SEMA3E: variants seen among roughly 807,000 people sequenced by gnomAD.
SEMA3E encodes semaphorin-3E.
Under a neutral mutation model 93.6 loss-of-function variants are expected in SEMA3E, and 49 were observed. That is an observed-to-expected ratio of 0.52 (90% CI 0.42 to 0.66). The LOEUF (loss-of-function observed/expected upper bound fraction) is 0.66. Among genes scored for constraint, SEMA3E ranks in the 30% least tolerant of loss-of-function variants. The pLI is 0.00. For synonymous variants in SEMA3E, 363 were observed against 330.7 expected, an observed-to-expected ratio of 1.10 and a Z score of -1.06; for missense variants, 906 against 964.8, an observed-to-expected ratio of 0.94 and a Z score of 0.81.
intron 6 of SEMA3E, among the ~76,000 whole-genome samples, chr7:83,407,668 T>C (rs1788356201): frequency 6.6e-6 from 1 of 152,176 alleles, no homozygotes; most frequent in Non-Finnish European, 1.5e-5. Flanking sequence ...TTTTAATTCA[T>C]AAATGATCTA....
At chr7:83,571,643 A>C (rs1433443146) in intron 1 of SEMA3E, among the ~76,000 whole-genome samples, 1 of 152,228 alleles carries the variant, frequency 6.6e-6, no homozygotes, top group Non-Finnish European at 1.5e-5. Context: ...GGCTGGAACT[A>C]TTCCCCTTGA....
intron 1 of SEMA3E, chr7:83,612,614 A>G (rs1434125114): frequency 1.3e-5 from 2 of 152,096 alleles, no homozygotes; most frequent in African/African-American, 4.8e-5. Context: ...TGCTAAGAGG[A>G]GATTTTGATA....
At chr7:83,515,128 C>T (rs916238609) in intron 1 of SEMA3E, among the ~76,000 whole-genome samples, 1 of 151,948 alleles carries the variant, frequency 6.6e-6, no homozygotes, top group Non-Finnish European at 1.5e-5. Flanking sequence ...AGTGAGGAGA[C>T]AGGAAATTCA....
intron 16 of SEMA3E, among the ~76,000 whole-genome samples, chr7:83,380,062 CA>C (rs1288973414): frequency 6.6e-6 from 1 of 151,804 alleles, no homozygotes; most frequent in East Asian, 1.9e-4. Flanking sequence ...CAATTCAACA[CA>C]GCCAAAAGTT....
At chr7:83,613,243 C>A (rs750832401) in intron 1 of SEMA3E, among the ~76,000 whole-genome samples, 2 of 152,008 alleles carry the variant, frequency 1.3e-5, no homozygotes, top group African/African-American at 2.4e-5. Context: ...TTTAACCCAT[C>A]CTGCCTTTCT....
At chr7:83,388,793 A>C (rs1164225400) in intron 14 of SEMA3E, among the ~76,000 whole-genome samples, 1 of 139,080 alleles carries the variant, frequency 7.2e-6, no homozygotes, top group East Asian at 2.3e-4. Context: ...AATGACACCT[A>C]AAATCTATTT....
chr7:83,368,050 A>C lies in SEMA3E; in HGVS notation c.1876-12T>G, dbSNP rs761285347. 5.0e-6 allele frequency: 8 copies of C among 1,612,102 alleles called. No individual in the cohort carries two copies. In the South Asian group the frequency reaches 8.8e-5, roughly 18 times the overall value. ...TCATCTGTCTTCACCTGCAAAAACA[A>C]AAAAGTAAATGGCACTGAAGTACAC... On this transcript the variant is annotated splice_polypyrimidine_tract_variant and intron_variant, in intron 16 of 16. Transcript: ENST00000643230.
At chr7:83,445,490 G>C (rs1455475780) in intron 4 of SEMA3E, among the ~76,000 whole-genome samples, 3 of 152,206 alleles carry the variant, frequency 2.0e-5, no homozygotes. Flanking sequence ...GGCTGAGGCG[G>C]GTGTTTGGCC....
intron 9 of SEMA3E, among the ~76,000 whole-genome samples, chr7:83,405,098 C>A (rs1788301667): frequency 6.6e-6 from 1 of 151,674 alleles, no homozygotes; most frequent in African/African-American, 2.4e-5. Context: ...AAGGAATTAT[C>A]CTAGACTTTA....
rs540101320 is a variant in SEMA3E at position 83,562,578 on chromosome 7, T to G, written c.116-72304A>C. The stretch of plus-strand genomic sequence containing the variant: ...CTAAAGTAATATCCTCCCCTAGCTA[T>G]TCCCTGAAATTGGCAGACATGGACA... On this transcript the variant is annotated intron_variant, in intron 1 of 16. Coordinates refer to ENST00000643230, the MANE Select transcript of SEMA3E (RefSeq NM_012431.3). Among the ~76,000 whole-genome samples, 6 of 151,892 alleles carry G rather than the reference T, an allele frequency of 4.0e-5. 1 individual carries two copies. Among genetic ancestry groups the G allele is most frequent in the East Asian group, 1.9e-4 (1 of 5,150 alleles).
chr7:83,502,239 G>A (rs977977284), intron 1 of SEMA3E, among the ~76,000 whole-genome samples: 2 of 152,004 alleles, frequency 1.3e-5, no homozygotes, highest in South Asian at 4.1e-4. Flanking sequence ...TCTATGCTCC[G>A]TGCCTCCCTC....
rs189108686 is a variant in SEMA3E, at chr7:83,417,145, T to C, written c.550+1245A>G. ...AAGCCCCTGAAGAACTTAATTACTA[T>C]ATAATTCTCATTTTATAGCCTTGTC... On this transcript the variant is annotated intron_variant, in intron 5 of 16. Coordinates refer to ENST00000643230, the MANE Select transcript of SEMA3E (RefSeq NM_012431.3). Among the ~76,000 whole-genome samples the C allele has an allele frequency of 7.4e-4, 112 of 152,190 alleles. 4 individuals carry two copies. Among genetic ancestry groups the C allele is most frequent in the Admixed American group, 5.2e-3 (80 of 15,254 alleles).
At chr7:83,585,042 C>T (rs1792595371) in intron 1 of SEMA3E, among the ~76,000 whole-genome samples, 1 of 152,108 alleles carries the variant, frequency 6.6e-6, no homozygotes, top group Non-Finnish European at 1.5e-5. Flanking sequence ...ATACTAATTC[C>T]TATCAGTTCT....
chr7:83,638,162 T>C (rs570359070), intron 1 of SEMA3E, among the ~76,000 whole-genome samples: 1 of 152,088 alleles, frequency 6.6e-6, no homozygotes, highest in Non-Finnish European at 1.5e-5. Context: ...AAATGAATTA[T>C]GTGTTTTAAT....
chr7:83,384,047 C>T (rs1409613094), intron 16 of SEMA3E, among the ~76,000 whole-genome samples: 7 of 151,918 alleles, frequency 4.6e-5, no homozygotes, highest in African/African-American at 1.7e-4. Context: ...ACAGAATTTT[C>T]CTTTCCTGAT....
chr7:83,416,722 A>G (rs2709891), intron 5 of SEMA3E, among the ~76,000 whole-genome samples: 81,022 of 151,716 alleles, frequency 0.53, 23,433 homozygotes, highest in East Asian at 0.84. Flanking sequence ...CACAAGAAAG[A>G]TAAGAAAGTC....
At chr7:83,647,761 A>G (rs138406154) in intron 1 of SEMA3E, among the ~76,000 whole-genome samples, 1 of 152,366 alleles carries the variant, frequency 6.6e-6, no homozygotes, top group Non-Finnish European at 1.5e-5. Context: ...GCTAGTGAAT[A>G]CTAATACTTT....
chr7:83,418,642 A>T (rs1453528183), intron 4 of SEMA3E, among the ~76,000 whole-genome samples, 159 bp from the exon 5 acceptor site: 1 of 152,206 alleles, frequency 6.6e-6, no homozygotes, highest in Non-Finnish European at 1.5e-5. Flanking sequence ...GGGTTTTATA[A>T]ATAAGCACAT....
At chr7:83,507,371 T>A (rs1315074961) in intron 1 of SEMA3E, among the ~76,000 whole-genome samples, 1 of 151,442 alleles carries the variant, frequency 6.6e-6, no homozygotes, top group Non-Finnish European at 1.5e-5. Flanking sequence ...ATATAATTCT[T>A]CACAGTGCTT....
Sources: allele counts gnomAD v4.1 joint callset (sites outside exome capture counted in the v4.1 genomes callset), GRCh38; gene constraint gnomAD v4.1.1; transcripts MANE v1.5; gene names NCBI Gene and HGNC (gene_info 2026-07-23, HGNC 2026-07-21).